Variants in BRD7 observed in about 807,000 individuals in gnomAD.
BRD7 encodes bromodomain-containing protein 7.
A neutral mutation model predicts 82.1 loss-of-function variants in BRD7; 15 were observed. That is an observed-to-expected ratio of 0.18 (90% CI 0.12 to 0.28). The LOEUF (loss-of-function observed/expected upper bound fraction) is 0.28. Ranked by LOEUF, BRD7 falls within the 10% of genes least tolerant of loss-of-function variation. BRD7 has a pLI of 1.00. For synonymous variants in BRD7, 232 were observed against 266.9 expected (o/e 0.87, Z 1.27); for missense variants, 638 against 779.9 (o/e 0.82, Z 2.17).
chr16:50,325,655 C>A (rs1466997004), intron 11 of BRD7, 93 bp downstream of exon 11: 3 of 1,199,684 alleles, frequency 2.5e-6, no homozygotes, highest in Non-Finnish European at 3.4e-6. Flanking sequence ...TTTTTTTTTA[C>A]TACTCGGCCA....
In BRD7 at chr16:50,320,304, C is replaced by A. The variant is rs759525571; in HGVS notation, c.1700G>T (p.Arg567Ile). 14 of 1,614,054 alleles carry A rather than the reference C, an allele frequency of 8.7e-6. No individual in the cohort carries two copies. The highest frequency in any genetic ancestry group is 1.0e-5 in the Non-Finnish European group (12 of 1,180,036). The part of the protein sequence containing the change: ...QEAQNERLST[R>I]PPPNMICLLG... ...GAGACAGATCATGTTCGGAGGGGGT[C>A]TGGTGCTCAAACGTTCATTCTGGGC... Residue 567 changes from arginine to isoleucine, a missense_variant, in exon 15 of 17, where the codon AGA (arginine) becomes ATA (isoleucine). Transcript: ENST00000394688.
rs1374106819 is a variant in BRD7, at chr16:50,320,170, G to GAGTACAGA, written c.1756+77_1756+78insTCTGTACT. 6.5e-6 allele frequency: 10 copies of GAGTACAGA among 1,545,348 alleles called. No homozygotes were observed. In the East Asian group the frequency reaches 1.6e-4, roughly 24 times the overall value. On this transcript the variant is annotated intron_variant, in intron 15 of 16. Transcript: ENST00000394688. Reference sequence around the variant, plus strand: ...GGATTCACATCAGCATTACTCTATAGTGGCATCACCACTGTACTCAAGAAG... The same window carrying GAGTACAGA: ...GGATTCACATCAGCATTACTCTATAGAGTACAGATGGCATCACCACTGTACTCAAGAAG...
chr16:50,334,393 A>G (rs1203293711), intron 7 of BRD7, among the ~76,000 whole-genome samples: 3 of 152,156 alleles, frequency 2.0e-5, no homozygotes, highest in East Asian at 1.9e-4. Context: ...ATGACTATGC[A>G]TTTTTTCTTA....
chr16:50,325,993 G>T, intron 10 of BRD7, 110 bp from the exon 11 acceptor site: 1 of 1,136,502 alleles, frequency 8.8e-7, no homozygotes, highest in Non-Finnish European at 1.2e-6. Flanking sequence ...TTCATTGGCT[G>T]GTTTGCAAAT....
intron 9 of BRD7, 99 bp from the exon 10 acceptor site, chr16:50,326,490 G>T (rs2037345990): frequency 1.4e-6 from 1 of 720,392 alleles, no homozygotes; most frequent in Non-Finnish European, 2.2e-6. Context: ...CATGTCATCT[G>T]CATGACCGTG....
intron 10 of BRD7, among the ~76,000 whole-genome samples, 187 bp from the exon 11 acceptor site, chr16:50,326,070 G>C (rs1343282269): frequency 6.6e-6 from 1 of 151,876 alleles, no homozygotes; most frequent in African/African-American, 2.4e-5. Context: ...CCCTACAAGG[G>C]AGAGGGAGAG....
chr16:50,356,029 A>G lies in BRD7; in HGVS notation c.259-1107T>C, dbSNP rs958960761. 1.2e-4 allele frequency among the ~76,000 whole-genome samples: 19 copies of G among 152,372 alleles called. No homozygotes were observed. In the East Asian group the frequency reaches 3.1e-3, roughly 25 times the overall value. ...AGTGATATCACAGGTAACTCACAGA[A>G]TAAGAAATGTGAAATGTTGAGAACA... is the stretch of plus-strand genomic sequence containing the variant. On this transcript the variant is annotated intron_variant, in intron 2 of 16. Coordinates refer to ENST00000394688, the MANE Select transcript of BRD7 (RefSeq NM_013263.5).
chr16:50,319,581 TA>T (rs2036980616), intron 16 of BRD7, among the ~76,000 whole-genome samples: 2 of 152,014 alleles, frequency 1.3e-5, no homozygotes, highest in Admixed American at 1.3e-4. Context: ...AACTGCCAAT[TA>T]AAAATATTTG....
intron 10 of BRD7, 129 bp downstream of exon 10, chr16:50,326,155 C>A: frequency 2.6e-6 from 2 of 766,026 alleles, no homozygotes; most frequent in South Asian, 1.8e-5. Flanking sequence ...AATAAAATAG[C>A]TAATTAATGT....
chr16:50,352,631 C>T (rs2038574467), intron 4 of BRD7, among the ~76,000 whole-genome samples: 1 of 150,532 alleles, frequency 6.6e-6, no homozygotes, highest in Non-Finnish European at 1.5e-5. Flanking sequence ...TCCATAATGG[C>T]TATACTAATT....
chr16:50,353,333 G>C (rs2038610311), intron 4 of BRD7, among the ~76,000 whole-genome samples: 1 of 151,994 alleles, frequency 6.6e-6, no homozygotes. Flanking sequence ...CCAAAGTGTT[G>C]GGATTACAGG....
At chr16:50,330,275 A>G (rs1379058606) in intron 8 of BRD7, among the ~76,000 whole-genome samples, 1 of 151,992 alleles carries the variant, frequency 6.6e-6, no homozygotes. Flanking sequence ...CCTGTTCCTT[A>G]AAGGGCTCCC....
chr16:50,326,278 C>T lies in BRD7; in HGVS notation c.1195+6G>A, dbSNP rs781760738. The T allele has an allele frequency of 2.3e-5, 37 of 1,610,264 alleles. 1 individual carries two copies. The highest frequency in any genetic ancestry group is 3.7e-4 in the Middle Eastern group (2 of 5,446). On this transcript the variant is annotated splice_donor_region_variant and intron_variant, in intron 10 of 16. Coordinates refer to ENST00000394688, the MANE Select transcript of BRD7 (RefSeq NM_013263.5). ...AGAAAAAATGACTCCTATGCAGGAG[C>T]CTCACCTGGAGTGACTTTGTTCCTT... is the stretch of plus-strand genomic sequence containing the variant.
intron 2 of BRD7, among the ~76,000 whole-genome samples, chr16:50,359,698 C>T (rs1296988305): frequency 6.6e-6 from 1 of 152,132 alleles, no homozygotes; most frequent in African/African-American, 2.4e-5. Flanking sequence ...TCCCCATTCC[C>T]ACTGCTTCAC....
chr16:50,360,694 C>T (rs2038905768), intron 2 of BRD7, among the ~76,000 whole-genome samples: 1 of 152,122 alleles, frequency 6.6e-6, no homozygotes, highest in African/African-American at 2.4e-5. Context: ...TATTTATTTA[C>T]CTATCTTAAT....
intron 10 of BRD7, 148 bp from the exon 11 acceptor site, chr16:50,326,031 T>G (rs1446443389): frequency 1.1e-6 from 1 of 900,108 alleles, no homozygotes; most frequent in Non-Finnish European, 1.6e-6. Flanking sequence ...AAACAGGTAC[T>G]TGTAAAGTTA....
At chr16:50,354,726 C>T (rs185804747) in intron 3 of BRD7, 67 bp downstream of exon 3, 2 of 1,547,142 alleles carry the variant, frequency 1.3e-6, no homozygotes, top group African/African-American at 1.4e-5. Flanking sequence ...TAAAACCCCA[C>T]CATTTTCCTG....
At chr16:50,333,817 T>A in intron 7 of BRD7, 120 bp from the exon 8 acceptor site, 2 of 860,106 alleles carry the variant, frequency 2.3e-6, no homozygotes, top group Non-Finnish European at 3.5e-6. Context: ...CAGTCACTCA[T>A]TGAAACTTAC....
In BRD7 at chr16:50,320,392, C is replaced by T. The variant is rs540625147; in HGVS notation, c.1613-1G>A. ...AGTTTCTTCTGGAATATTTCAGCTT[C>T]TGTGTGGTAAGAAAACAGACACACT... On this transcript the variant is annotated splice_acceptor_variant, in intron 14 of 16. Transcript: ENST00000394688. LOFTEE classifies it high-confidence loss of function. 6.2e-7 allele frequency: 1 copy of T among 1,612,892 alleles called. No individual in the cohort carries two copies. The highest frequency in any genetic ancestry group is 1.3e-5 in the African/African-American group (1 of 74,908).
Sources: gnomAD v4.1 joint callset for allele counts (sites outside exome capture counted in the v4.1 genomes callset) on GRCh38, gnomAD v4.1.1 for gene constraint, MANE v1.5 for transcripts, NCBI Gene and HGNC (gene_info 2026-07-23, HGNC 2026-07-21) for gene names.